The following TMEM132B variants were observed in gnomAD, a reference collection of about 807,000 sequenced individuals.
TMEM132B encodes the protein transmembrane protein 132B.
Under a neutral mutation model 90.8 loss-of-function variants are expected in TMEM132B, and 18 were observed. That is an observed-to-expected ratio of 0.20 (90% CI 0.14 to 0.29). The LOEUF is 0.29. Ranked by LOEUF, TMEM132B falls within the 10% of genes least tolerant of loss-of-function variation. The probability of loss-of-function intolerance (pLI) is 1.00; values close to 1 mark genes in which losing one functional copy is unlikely to be tolerated. For synonymous variants in TMEM132B, 504 were observed against 523.3 expected, an observed-to-expected ratio of 0.96 and a Z score of 0.50; for missense variants, 1,096 against 1,326.8, an observed-to-expected ratio of 0.83 and a Z score of 2.70.
chr12:125,229,633 GA>G (rs1251713239), intron 1 of TMEM132B, among the ~76,000 whole-genome samples: 2 of 152,182 alleles, frequency 1.3e-5, no homozygotes, highest in African/African-American at 4.8e-5. Flanking sequence ...ACTCAGCACT[GA>G]AAAAATCAAG....
intron 4 of TMEM132B, among the ~76,000 whole-genome samples, 182 bp downstream of exon 4, chr12:125,519,807 C>T (rs1472725833): frequency 1.3e-5 from 2 of 152,194 alleles, no homozygotes; most frequent in Non-Finnish European, 2.9e-5. Flanking sequence ...TAAGGTCTAC[C>T]ATGTAAATCC....
intron 1 of TMEM132B, among the ~76,000 whole-genome samples, chr12:125,297,302 G>T (rs552786613): frequency 2.0e-5 from 3 of 152,346 alleles, no homozygotes; most frequent in Non-Finnish European, 4.4e-5. Flanking sequence ...CTGCTGCATG[G>T]TGTAGACCTG....
intron 3 of TMEM132B, among the ~76,000 whole-genome samples, chr12:125,455,335 G>A (rs1037789955): frequency 1.6e-4 from 25 of 152,334 alleles, no homozygotes; most frequent in African/African-American, 5.8e-4. Context: ...AAGTGCTGAT[G>A]AGGATAAAGC....
chr12:125,492,716 G>A lies in TMEM132B; in HGVS notation c.1107-26723G>A, dbSNP rs1439003404. Among the ~76,000 whole-genome samples, 1 of 152,124 alleles carries A rather than the reference G, an allele frequency of 6.6e-6. No homozygotes were observed. Among genetic ancestry groups the A allele is most frequent in the African/African-American group, 2.4e-5 (1 of 41,422 alleles). ...CCTGGGCTCAGGAGGGCGCACCCTT[G>A]GGAGGGTCTGTCCTGTGAAGAAACC... On this transcript the variant is annotated intron_variant, in intron 3 of 8. Transcript: ENST00000682704. This position sits in a 1 kb window ranked among gnomAD's most constrained non-coding sequence, Gnocchi z 5.8.
chr12:125,374,240 T>C (rs1023125681), intron 2 of TMEM132B, among the ~76,000 whole-genome samples: 5 of 152,198 alleles, frequency 3.3e-5, no homozygotes, highest in Non-Finnish European at 7.4e-5. Context: ...TGAAGAACAC[T>C]GTTAGTGCAA....
chr12:125,595,396 CATCACTTTCCGGGGGATTTGGGGAA>C (rs1885416645), intron 5 of TMEM132B, among the ~76,000 whole-genome samples: 1 of 152,174 alleles, frequency 6.6e-6, no homozygotes, highest in African/African-American at 2.4e-5. Flanking sequence ...CTACCTCAGC[CATCACTTTCCGGGGGATTTGGGGAA>C]ATTTGCTTTT....
At chr12:125,400,758 C>T (rs325095) in intron 2 of TMEM132B, among the ~76,000 whole-genome samples, 66,621 of 152,048 alleles carry the variant, frequency 0.44, 15,173 homozygotes, top group East Asian at 0.81. Context: ...TAAAAGTATC[C>T]TTGCAGTTTT....
chr12:125,310,836 G>A (rs1876106164), intron 1 of TMEM132B, among the ~76,000 whole-genome samples: 1 of 152,218 alleles, frequency 6.6e-6, no homozygotes, highest in Non-Finnish European at 1.5e-5. Context: ...TAACGGGTGT[G>A]TCGATGTGAG....
intron 5 of TMEM132B, among the ~76,000 whole-genome samples, chr12:125,601,833 A>G (rs1294627928): frequency 6.6e-6 from 1 of 152,208 alleles, no homozygotes; most frequent in African/African-American, 2.4e-5. Flanking sequence ...TACTATAAAC[A>G]CTTCTATGCA....
intron 3 of TMEM132B, among the ~76,000 whole-genome samples, chr12:125,488,455 G>A (rs1417176357): frequency 6.6e-6 from 1 of 152,170 alleles, no homozygotes; most frequent in African/African-American, 2.4e-5. Context: ...AACCTGGTGG[G>A]AGGTGATTGG....
At chr12:125,215,903 T>C (rs1419133668) in intron 1 of TMEM132B, among the ~76,000 whole-genome samples, 1 of 152,212 alleles carries the variant, frequency 6.6e-6, no homozygotes, top group Non-Finnish European at 1.5e-5. Flanking sequence ...TCTCCCCAGC[T>C]CAAGAGCCTT....
chr12:125,368,675 C>T (rs969188406), intron 2 of TMEM132B, among the ~76,000 whole-genome samples: 2 of 152,188 alleles, frequency 1.3e-5, no homozygotes, highest in Non-Finnish European at 2.9e-5. Context: ...TGCGTATCCT[C>T]CATAGCTTTG....
intron 4 of TMEM132B, among the ~76,000 whole-genome samples, chr12:125,547,041 A>G (rs886409128): frequency 6.6e-6 from 1 of 152,210 alleles, no homozygotes; most frequent in Non-Finnish European, 1.5e-5. Flanking sequence ...CTAATTCACT[A>G]TCATGAGAAC....
At chr12:125,491,107 G>T (rs1309626877) in intron 3 of TMEM132B, among the ~76,000 whole-genome samples, 1 of 152,092 alleles carries the variant, frequency 6.6e-6, no homozygotes, top group South Asian at 2.1e-4. Flanking sequence ...AGACCTGAAC[G>T]AGAACCTCTC....
intron 1 of TMEM132B, among the ~76,000 whole-genome samples, chr12:125,317,228 G>A (rs1876306108): frequency 6.6e-6 from 1 of 152,072 alleles, no homozygotes; most frequent in Non-Finnish European, 1.5e-5. Flanking sequence ...TTGTTGAGAG[G>A]ATTAGCATGG....
intron 4 of TMEM132B, among the ~76,000 whole-genome samples, chr12:125,568,246 T>A (rs922884809): frequency 2.0e-5 from 3 of 152,230 alleles, no homozygotes; most frequent in Non-Finnish European, 4.4e-5. Context: ...TTTCTTTTTT[T>A]ACTTTTAATT....
chr12:125,273,178 C>A (rs762636478), intron 1 of TMEM132B, among the ~76,000 whole-genome samples: 29 of 152,060 alleles, frequency 1.9e-4, no homozygotes, highest in African/African-American at 5.8e-4. Flanking sequence ...TTATCTCTCT[C>A]TATATATGTA....
chr12:125,335,453 A>G (rs1373182151), intron 1 of TMEM132B, among the ~76,000 whole-genome samples: 1 of 152,192 alleles, frequency 6.6e-6, no homozygotes, highest in Non-Finnish European at 1.5e-5. Context: ...AAGAACAGGC[A>G]TCCCCCTGGC....
Position 125,415,864 on chromosome 12 carries a change from C to T in TMEM132B, c.1106+187C>T, listed in dbSNP as rs373056722. ...TTATCACAGCGTCGGGTTTGGTAAC[C>T]GCGTTTTAAATTTTTATCTTTATTA... On this transcript the variant is annotated intron_variant, in intron 3 of 8. Transcript: ENST00000682704. The surrounding 1 kb of genome is among the most constrained non-coding windows in gnomAD (Gnocchi z 5.3). Among the ~76,000 whole-genome samples the T allele has an allele frequency of 2.0e-5, 3 of 152,154 alleles. No homozygotes were observed. The highest frequency in any genetic ancestry group is 1.9e-4 in the East Asian group (1 of 5,182).
Sources: allele counts gnomAD v4.1 joint callset (sites outside exome capture counted in the v4.1 genomes callset), GRCh38; gene constraint gnomAD v4.1.1; non-coding constraint Gnocchi (gnomAD v3.1); transcripts MANE v1.5; gene names NCBI Gene and HGNC (gene_info 2026-07-23, HGNC 2026-07-21).